The following SMYD1 variants were observed in gnomAD, a reference collection of about 807,000 sequenced individuals.
SMYD1 encodes SET and MYND domain containing 1.
In SMYD1, 49 loss-of-function variants were observed where a neutral mutation model predicts 54.0. The ratio of observed to expected loss-of-function variants is 0.91; its 90% CI spans 0.72 to 1.15. The LOEUF is 1.15. SMYD1 is among the 50% of genes most tolerant of loss of function. The pLI is 0.00. For missense variants in SMYD1, 653 were observed against 639.6 expected (o/e 1.02, Z -0.23); for synonymous variants, 269 against 234.2 (o/e 1.15, Z -1.36).
chr2:88,096,635 G>A lies in SMYD1; in HGVS notation c.739G>A (p.Glu247Lys). ...RALGKISEGEELTVSYIDFLN... is the reference protein window; with the variant it reads ...RALGKISEGEKLTVSYIDFLN... ...CCTAGGCAAGATCTCAGAAGGAGAG[G>A]AGCTGACTGTGTCCTATATTGACTT... Residue 247 changes from glutamate to lysine, a missense_variant, in exon 6 of 10, where the codon GAG becomes AAG. Transcript: ENST00000419482. 6.2e-7 allele frequency: 1 copy of A among 1,613,964 alleles called. No individual in the cohort carries two copies.
chr2:88,108,740 T>C (rs774434377), intron 9 of SMYD1, among the ~76,000 whole-genome samples: 4 of 152,186 alleles, frequency 2.6e-5, no homozygotes, highest in Non-Finnish European at 2.9e-5. Flanking sequence ...ACTGGGTAAT[T>C]TATAAAGAAA....
rs1405492241 is a variant in SMYD1 at position 88,112,138 on chromosome 2, C to A, written c.*1626C>A. 1 of 703,434 alleles carries A rather than the reference C, an allele frequency of 1.4e-6. No individual in the cohort carries two copies. Among genetic ancestry groups the A allele is most frequent in the Non-Finnish European group, 2.6e-6 (1 of 385,102 alleles). 43.6% of individuals were successfully genotyped at this position (703,434 alleles called of 1,614,324 possible). The stretch of plus-strand genomic sequence containing the variant: ...AGACTGATAGTCTTTCAAGCCCCCA[C>A]ATCACAGGCTTAGGGACGGCACTAA... On this transcript the variant is annotated 3_prime_UTR_variant, in exon 10 of 10. Transcript: ENST00000419482.
At position 88,106,568 on chromosome 2, in the gene SMYD1, T is replaced by C. The variant is rs1425482429; in HGVS notation, c.1145+80T>C. 2.7e-6 allele frequency: 4 copies of C among 1,471,216 alleles called. No individual in the cohort carries two copies. In the Admixed American group the frequency reaches 7.2e-5, roughly 27 times the overall value. 91.1% of individuals were successfully genotyped at this position (1,471,216 alleles called of 1,614,324 possible). On this transcript the variant is annotated intron_variant, in intron 8 of 9. Transcript: ENST00000419482. ...GATGGCAAATAGATGGCACATTTACTGGTGCCTCTCCCTCCTATACCCACA... is the reference window on the plus strand; with the variant it reads ...GATGGCAAATAGATGGCACATTTACCGGTGCCTCTCCCTCCTATACCCACA...
At chr2:88,078,241 T>C (rs1337340544) in intron 1 of SMYD1, among the ~76,000 whole-genome samples, 1 of 152,246 alleles carries the variant, frequency 6.6e-6, no homozygotes, top group African/African-American at 2.4e-5. Context: ...GGCTCTGTGC[T>C]GACCATCTTA....
rs369219997 is a variant in SMYD1, at chr2:88,074,457, G to T, written c.137+6456G>T. Among the ~76,000 whole-genome samples the T allele has an allele frequency of 7.4e-4, 112 of 152,272 alleles. 1 individual carries two copies. The highest frequency in any genetic ancestry group is 2.6e-3 in the African/African-American group (109 of 41,548). ...CTAGGAAATTTGGGATACTGTCCTT[G>T]TCTCAAGGTCTTTAACTTAATCACT... On this transcript the variant is annotated intron_variant, in intron 1 of 9. Transcript: ENST00000419482.
rs1277500462 is a variant in SMYD1, at chr2:88,106,489, G to A, written c.1145+1G>A. 2 of 1,612,028 alleles carry A rather than the reference G, an allele frequency of 1.2e-6. No homozygotes were observed. The highest frequency in any genetic ancestry group is 1.7e-5 in the Admixed American group (1 of 59,988). On this transcript the variant is annotated splice_donor_variant, in intron 8 of 9. Transcript: ENST00000419482. LOFTEE classifies it high-confidence loss of function. ...CCAGGAGGATGGTGGACGGCTATAT[G>A]TAGGTGACGATTCTAGGTCTCAGAT...
At chr2:88,100,958 A>G (rs1019634442) in intron 6 of SMYD1, among the ~76,000 whole-genome samples, 1 of 152,208 alleles carries the variant, frequency 6.6e-6, no homozygotes, top group Non-Finnish European at 1.5e-5. Context: ...GGAAACAAGG[A>G]TAGCCAAAAT....
At chr2:88,102,420 G>A (rs1433719499) in intron 6 of SMYD1, among the ~76,000 whole-genome samples, 1 of 151,996 alleles carries the variant, frequency 6.6e-6, no homozygotes, top group African/African-American at 2.4e-5. Context: ...TAATCCTAAT[G>A]AGTCTAGATT....
chr2:88,110,825 A>C lies in SMYD1; in HGVS notation c.*313A>C. 1 of 273,736 alleles carries C rather than the reference A, an allele frequency of 3.7e-6. No homozygotes were observed. The allele number at this position is 273,736 out of a possible 1,614,324, so 17.0% of individuals were successfully genotyped here. A position where few individuals can be genotyped will look rare whatever the true frequency, so the allele number is the denominator to read the frequency against. On this transcript the variant is annotated 3_prime_UTR_variant, in exon 10 of 10. Transcript: ENST00000419482. ...AAATGTAGAGAAACATTTAAAGCACACTGTAATAATAAATGCAATTATAAA... is the reference window on the plus strand; with the variant it reads ...AAATGTAGAGAAACATTTAAAGCACCCTGTAATAATAAATGCAATTATAAA...
At chr2:88,076,176 C>G (rs1674057013) in intron 1 of SMYD1, among the ~76,000 whole-genome samples, 1 of 152,134 alleles carries the variant, frequency 6.6e-6, no homozygotes, top group Admixed American at 6.5e-5. Context: ...ATGTCCCATC[C>G]CAGCCTGGGG....
At chr2:88,098,420 T>C (rs544999566) in intron 6 of SMYD1, among the ~76,000 whole-genome samples, 14 of 152,150 alleles carry the variant, frequency 9.2e-5, no homozygotes, top group Non-Finnish European at 1.9e-4. Flanking sequence ...AATTGCAGAG[T>C]TGGCATTTCT....
In SMYD1 at chr2:88,106,367, G is replaced by A. The variant is rs1271648028; in HGVS notation, c.1024G>A (p.Val342Met). Residue 342 changes from valine to methionine, a missense_variant, in exon 8 of 10, where the codon GTG (valine) becomes ATG (methionine). Transcript: ENST00000419482. ...GGAGTGCCTGGAGAAGCAGGAGCCA[G>A]TGTTTGCTGACACCAACATCTACAT... The part of the protein sequence containing the change: ...CRECLEKQEP[V>M]FADTNIYMLR... The A allele has an allele frequency of 6.2e-7, 1 of 1,614,076 alleles. No individual in the cohort carries two copies. The highest frequency in any genetic ancestry group is 1.7e-5 in the Admixed American group (1 of 59,998).
Position 88,088,037 on chromosome 2 carries a change from C to T in SMYD1, c.490C>T (p.Gln164Ter), listed in dbSNP as rs1350479371. The change falls in exon 3 of 10, where the codon CAG (glutamine) becomes TAG (stop). Residue 164 changes from glutamine (Q) to a stop codon, truncating the protein, a stop_gained. Coordinates refer to ENST00000419482, the MANE Select transcript of SMYD1 (RefSeq NM_198274.4). LOFTEE classifies it high-confidence loss of function. ...GCAGTACTGGCCGCCGCAGAGCCAGCAGTTCAGCATGCAGTACATCTCGCA... is the reference window on the plus strand; with the variant it reads ...GCAGTACTGGCCGCCGCAGAGCCAGTAGTTCAGCATGCAGTACATCTCGCA... ...FLQYWPPQSQ[Q>*]FSMQYISHIF... 1 of 1,614,004 alleles carries T rather than the reference C, an allele frequency of 6.2e-7. No homozygotes were observed. The highest frequency in any genetic ancestry group is 1.7e-5 in the Admixed American group (1 of 59,998).
chr2:88,095,724 C>A (rs1332565552), intron 5 of SMYD1, among the ~76,000 whole-genome samples: 1 of 152,178 alleles, frequency 6.6e-6, no homozygotes, highest in African/African-American at 2.4e-5. Flanking sequence ...CAGGGCCCAC[C>A]ACTTGTTTTC....
intron 6 of SMYD1, among the ~76,000 whole-genome samples, chr2:88,098,662 A>G (rs1558856196): frequency 6.6e-6 from 1 of 152,246 alleles, no homozygotes; most frequent in Non-Finnish European, 1.5e-5. Context: ...AAGAAGAATT[A>G]TGAGGCCTGT....
At chr2:88,083,399 A>G (rs913675741) in intron 1 of SMYD1, among the ~76,000 whole-genome samples, 24 of 151,930 alleles carry the variant, frequency 1.6e-4, no homozygotes, top group African/African-American at 5.6e-4. Flanking sequence ...GGGGCTCTCT[A>G]ATGGGAACAC....
Position 88,070,942 on chromosome 2 carries a change from C to CAAAAA in SMYD1, c.137+2962_137+2966dup, listed in dbSNP as rs61024525. ...TGGGTGACAGAGCAAGACTATTTCT[C>CAAAAA]AAAAAAAAAAAAAAAAAAAAAAAAA... On this transcript the variant is annotated intron_variant, in intron 1 of 9. Transcript: ENST00000419482. Among the ~76,000 whole-genome samples, 201 of 60,046 alleles carry CAAAAA rather than the reference C, an allele frequency of 3.3e-3. 2 individuals carry two copies. Among genetic ancestry groups the CAAAAA allele is most frequent in the Non-Finnish European group, 5.0e-3 (161 of 32,050 alleles). The allele number at this position is 60,046 out of a possible 152,430, so 39.4% of individuals were successfully genotyped here.
rs1213445801 is a variant in SMYD1 at position 88,068,015 on chromosome 2, G to A, written c.137+14G>A. On this transcript the variant is annotated intron_variant, in intron 1 of 9. Coordinates refer to ENST00000419482, the MANE Select transcript of SMYD1 (RefSeq NM_198274.4). Reference sequence around the variant, plus strand: ...GGTTTTTGACAGGTATGAAATGTGGGGAGTTGCCTTCTCTCCTGTTAGTTT... The same window carrying A: ...GGTTTTTGACAGGTATGAAATGTGGAGAGTTGCCTTCTCTCCTGTTAGTTT... 2 of 1,607,848 alleles carry A rather than the reference G, an allele frequency of 1.2e-6. No individual in the cohort carries two copies. The highest frequency in any genetic ancestry group is 1.7e-6 in the Non-Finnish European group (2 of 1,176,774).
At chr2:88,079,303 A>G (rs1438799949) in intron 1 of SMYD1, among the ~76,000 whole-genome samples, 1 of 152,222 alleles carries the variant, frequency 6.6e-6, no homozygotes, top group Non-Finnish European at 1.5e-5. Context: ...TCTTAGGGAC[A>G]TAATATGGCT....
Sources: gnomAD v4.1 joint callset for allele counts (sites outside exome capture counted in the v4.1 genomes callset) on GRCh38, gnomAD v4.1.1 for gene constraint, MANE v1.5 for transcripts, NCBI Gene and HGNC (gene_info 2026-07-23, HGNC 2026-07-21) for gene names.